TLN2: variants seen among roughly 807,000 people sequenced by gnomAD.
TLN2 encodes the protein talin-2.
Under a neutral mutation model 294.7 loss-of-function variants are expected in TLN2, and 118 were observed. The ratio of observed to expected loss-of-function variants is 0.40; its 90% CI spans 0.34 to 0.47. TLN2 has a LOEUF of 0.47. TLN2 is among the 20% of genes least tolerant of loss of function. The probability of loss-of-function intolerance (pLI) is 0.84; values close to 1 mark genes in which losing one functional copy is unlikely to be tolerated. For missense variants in TLN2, 3,083 were observed against 3,282.2 expected, an observed-to-expected ratio of 0.94 and a Z score of 1.48; for synonymous variants, 1,431 against 1,304.5, an observed-to-expected ratio of 1.10 and a Z score of -2.09.
chr15:62,673,565 CTTTT>C (rs10539693), intron 9 of TLN2, among the ~76,000 whole-genome samples: 3 of 139,480 alleles, frequency 2.2e-5, no homozygotes, highest in Admixed American at 7.1e-5. Context: ...CTCTTGTGCT[CTTTT>C]TTTTTTTTTT....
chr15:62,722,577 A>AT, intron 26 of TLN2, 90 bp downstream of exon 26: 1 of 1,402,672 alleles, frequency 7.1e-7, no homozygotes, highest in East Asian at 2.4e-5. Context: ...TGCTGAACCT[A>AT]TTTCTTGGCA....
intron 9 of TLN2, among the ~76,000 whole-genome samples, chr15:62,661,543 A>T (rs1477689930): frequency 6.6e-6 from 1 of 152,184 alleles, no homozygotes; most frequent in Non-Finnish European, 1.5e-5. Context: ...CGGCTTATGG[A>T]AACAAAGTGA....
At chr15:62,536,786 T>G (rs1408951393) in intron 1 of TLN2, among the ~76,000 whole-genome samples, 1 of 152,164 alleles carries the variant, frequency 6.6e-6, no homozygotes, top group African/African-American at 2.4e-5. Context: ...GTTTTAAAAG[T>G]TTTAGTAGAC....
chr15:62,549,325 C>G (rs974013758), intron 1 of TLN2, among the ~76,000 whole-genome samples: 1 of 152,284 alleles, frequency 6.6e-6, no homozygotes. Context: ...TTAATTGAGA[C>G]AGGGTTTCAC....
chr15:62,569,210 C>T (rs12908576), intron 1 of TLN2, among the ~76,000 whole-genome samples: 82,808 of 152,118 alleles, frequency 0.54, 23,394 homozygotes, highest in Middle Eastern at 0.66. Flanking sequence ...GCTCTTCTCT[C>T]GATATCCCTA....
intron 25 of TLN2, among the ~76,000 whole-genome samples, chr15:62,720,159 G>A (rs535390381): frequency 3.9e-5 from 6 of 152,340 alleles, no homozygotes; most frequent in South Asian, 2.1e-4. Flanking sequence ...AAGAAAACAC[G>A]TAAAATGTTG....
rs550034527 is a variant in TLN2, at chr15:62,398,909, A to G, written c.-238+8224A>G. On this transcript the variant is annotated intron_variant, in intron 1 of 58. Coordinates refer to ENST00000636159, the MANE Select transcript of TLN2 (RefSeq NM_015059.3). ...CAGAAATTTGCATAAGTAACCAGAG[A>G]CCTTTGCGGCAGCCCCTCCCATCTC... 4.6e-5 allele frequency among the ~76,000 whole-genome samples: 7 copies of G among 152,226 alleles called. No individual in the cohort carries two copies. In the South Asian group the frequency reaches 1.5e-3, roughly 32 times the overall value.
intron 58 of TLN2, 110 bp downstream of exon 58, chr15:62,839,091 C>G: frequency 7.1e-7 from 1 of 1,400,126 alleles, no homozygotes; most frequent in South Asian, 1.4e-5. Flanking sequence ...TCCTCGTGTA[C>G]CAGAGATGGT....
chr15:62,837,993 A>C (rs2069970249), intron 57 of TLN2: 1 of 152,210 alleles, frequency 6.6e-6, no homozygotes, highest in Admixed American at 6.5e-5. Flanking sequence ...TTAGAAGAAA[A>C]TTCCAAACCT....
chr15:62,429,427 A>C (rs534476609), intron 1 of TLN2, among the ~76,000 whole-genome samples: 1 of 152,072 alleles, frequency 6.6e-6, no homozygotes, highest in Non-Finnish European at 1.5e-5. Context: ...CCAACTCTGC[A>C]TTGTGGTTTC....
At chr15:62,795,439 A>G (rs914280584) in intron 46 of TLN2, among the ~76,000 whole-genome samples, 7 of 152,098 alleles carry the variant, frequency 4.6e-5, no homozygotes, top group African/African-American at 1.7e-4. Context: ...GGTGTACGTG[A>G]TGGGTGAGGG....
At chr15:62,663,224 G>A (rs561011789) in intron 9 of TLN2, among the ~76,000 whole-genome samples, 2 of 152,020 alleles carry the variant, frequency 1.3e-5, no homozygotes, top group African/African-American at 2.4e-5. Context: ...AAGACTATAT[G>A]ATTGTCTTAA....
At position 62,470,221 on chromosome 15, in the gene TLN2, TG is replaced by T. The variant is rs565337714; in HGVS notation, c.-238+79539del. ...AGACACAGTCAGTGTTTCCAACCTATGGGACCCATTCGGGAGGATGGCCAAA... is the reference window on the plus strand; with the variant it reads ...AGACACAGTCAGTGTTTCCAACCTATGGACCCATTCGGGAGGATGGCCAAA... On this transcript the variant is annotated intron_variant, in intron 1 of 58. Coordinates refer to ENST00000636159, the MANE Select transcript of TLN2 (RefSeq NM_015059.3). Among the ~76,000 whole-genome samples the T allele has an allele frequency of 2.9e-3, 436 of 152,246 alleles. 2 individuals are homozygous for T. Among genetic ancestry groups the T allele is most frequent in the South Asian group, 0.027 (132 of 4,810 alleles).
intron 46 of TLN2, among the ~76,000 whole-genome samples, chr15:62,795,502 C>G (rs1335428626): frequency 1.3e-5 from 2 of 152,092 alleles, no homozygotes; most frequent in Non-Finnish European, 2.9e-5. Context: ...TTGCTGGGCC[C>G]TCGGGGCACT....
chr15:62,637,085 G>T (rs1426992949), intron 3 of TLN2: 2 of 152,210 alleles, frequency 1.3e-5, no homozygotes, highest in African/African-American at 4.8e-5. Flanking sequence ...TCCTGAGATT[G>T]TATAGGCTGG....
intron 3 of TLN2, among the ~76,000 whole-genome samples, chr15:62,635,639 T>TC (rs34475836): frequency 6.6e-6 from 1 of 152,180 alleles, no homozygotes; most frequent in African/African-American, 2.4e-5. Flanking sequence ...GGTTAAACCT[T>TC]CCTTTCCTCT....
intron 1 of TLN2, among the ~76,000 whole-genome samples, chr15:62,559,410 G>C (rs367692445): frequency 9.9e-5 from 15 of 152,154 alleles, no homozygotes; most frequent in African/African-American, 3.6e-4. Context: ...CCAATGTTCA[G>C]CTACACCCTT....
chr15:62,766,358 T>C lies in TLN2; in HGVS notation c.5132T>C (p.Ile1711Thr). The change falls in exon 41 of 59, where the codon ATC becomes ACC. Residue 1711 changes from isoleucine (I) to threonine (T), a missense_variant. Transcript: ENST00000636159. ...CAGCTGACTTCGGTGGTCCAGGAAATCGGACACCTTATCGATCCCATCGCC... is the reference window on the plus strand; with the variant it reads ...CAGCTGACTTCGGTGGTCCAGGAAACCGGACACCTTATCGATCCCATCGCC... The part of the protein sequence containing the change: ...QEQLTSVVQE[I>T]GHLIDPIATA... 6.2e-7 allele frequency: 1 copy of C among 1,613,286 alleles called. No homozygotes were observed. The highest frequency in any genetic ancestry group is 8.5e-7 in the Non-Finnish European group (1 of 1,179,394).
chr15:62,520,970 C>T (rs1432235460), intron 1 of TLN2, among the ~76,000 whole-genome samples: 1 of 152,158 alleles, frequency 6.6e-6, no homozygotes, highest in Admixed American at 6.6e-5. Context: ...CAAAAAGCTC[C>T]ACATCATTGC....
Sources: allele counts gnomAD v4.1 joint callset (sites outside exome capture counted in the v4.1 genomes callset), GRCh38; gene constraint gnomAD v4.1.1; transcripts MANE v1.5; gene names NCBI Gene and HGNC (gene_info 2026-07-23, HGNC 2026-07-21).